PCOLCE: variants seen among roughly 807,000 people sequenced by gnomAD.
PCOLCE encodes procollagen C-endopeptidase enhancer.
In PCOLCE, 33 loss-of-function variants were observed where a neutral mutation model predicts 47.2. That is an observed-to-expected ratio of 0.70 (90% CI 0.53 to 0.93). The LOEUF is 0.93. Ranked by LOEUF, PCOLCE falls within the 40% of genes least tolerant of loss-of-function variation. The pLI is 0.00. For synonymous variants in PCOLCE, 254 were observed against 252.5 expected, an observed-to-expected ratio of 1.01 and a Z score of -0.06; for missense variants, 584 against 585.3, an observed-to-expected ratio of 1.00 and a Z score of 0.02.
intron 2 of PCOLCE, 85 bp downstream of exon 2, chr7:100,603,623 C>T (rs1462305945): frequency 3.2e-6 from 2 of 630,348 alleles, no homozygotes; most frequent in Non-Finnish European, 5.6e-6. Flanking sequence ...CCCCCGTCCC[C>T]CCCGCACCAC....
chr7:100,603,991 C>T lies in PCOLCE; in HGVS notation c.237C>T (p.Phe79=), dbSNP rs778184175. The change falls in exon 3 of 9, where the codon TTC becomes TTT. Residue 79 remains phenylalanine, a synonymous_variant. Coordinates refer to ENST00000223061, the MANE Select transcript of PCOLCE (RefSeq NM_002593.4). The stretch of plus-strand genomic sequence containing the variant: ...AGGGCCAGACTGTGTCCCTCTCATT[C>T]CGAGTCTTCGACCTGGAGCTGCACC... ...VPEGQTVSLS[F]RVFDLELHPA... is the part of the protein sequence containing the mutation. 5.0e-6 allele frequency: 8 copies of T among 1,603,346 alleles called. No individual in the cohort carries two copies. The East Asian group carries it at 1.8e-4, about 36-fold the overall frequency.
At position 100,605,877 on chromosome 7, in the gene PCOLCE, G is replaced by A. The variant is rs1802707376; in HGVS notation, c.725+65G>A. The A allele has an allele frequency of 1.3e-6, 2 of 1,508,530 alleles. No individual in the cohort carries two copies. The highest frequency in any genetic ancestry group is 2.5e-5 in the South Asian group (2 of 80,990). 93.4% of individuals were successfully genotyped at this position (1,508,530 alleles called of 1,614,324 possible). On this transcript the variant is annotated intron_variant, in intron 5 of 8. Transcript: ENST00000223061. The surrounding 1 kb of genome is among the most constrained non-coding windows in gnomAD (Gnocchi z 6.1). ...CGGACCGCACGCACGCGGCTGTTTG[G>A]AGGGGCGGGGTTCAGCTAAAGGGAC...
In PCOLCE at chr7:100,603,509, C is replaced by T; in HGVS notation, c.175C>T (p.Pro59Ser). ...ASEGFPNLYP[P>S]NKECIWTITV... ...TGAGGGGTTCCCCAACCTCTACCCC[C>T]CTAATAAGGAGTGCATCTGGACCAT... Residue 59 changes from proline to serine, a missense_variant, in exon 2 of 9, where the codon CCT becomes TCT. Coordinates refer to ENST00000223061, the MANE Select transcript of PCOLCE (RefSeq NM_002593.4). 5.6e-6 allele frequency: 9 copies of T among 1,599,938 alleles called. No individual in the cohort carries two copies. Among genetic ancestry groups the T allele is most frequent in the Non-Finnish European group, 7.7e-6 (9 of 1,170,516 alleles).
Position 100,604,371 on chromosome 7 carries a change from A to G in PCOLCE, c.463+154A>G, listed in dbSNP as rs1448368185. 1.6e-6 allele frequency: 1 copy of G among 629,674 alleles called. No homozygotes were observed. The highest frequency in any genetic ancestry group is 2.7e-6 in the Non-Finnish European group (1 of 364,086). The allele number at this position is 629,674 out of a possible 1,614,324, so 39.0% of individuals were successfully genotyped here. On this transcript the variant is annotated intron_variant, in intron 3 of 8. Transcript: ENST00000223061. The surrounding 1 kb of genome is among the most constrained non-coding windows in gnomAD (Gnocchi z 6.4). ...CATTTTCCTCACTAACCGCCCCTTC[A>G]GTCCCTCCTCCCCGTCTTCTCTCCC...
In PCOLCE at chr7:100,605,208, C is replaced by G. The variant is rs1399204443; in HGVS notation, c.581C>G (p.Pro194Arg). 6.2e-7 allele frequency: 1 copy of G among 1,612,092 alleles called. No individual in the cohort carries two copies. The stretch of plus-strand genomic sequence containing the variant: ...TGTTCCTGGCACATCATCGCGCCCC[C>G]GGACCAGGTACCGACCCTCCTCCCC... ...ISCSWHIIAP[P>R]DQVIALTFEK... The change falls in exon 4 of 9, where the codon CCG (proline) becomes CGG (arginine). Residue 194 changes from proline to arginine, a missense_variant. Physicochemically the swap from Pro to Arg is moderately radical, Grantham distance 103. Transcript: ENST00000223061. This position sits in a 1 kb window ranked among gnomAD's most constrained non-coding sequence, Gnocchi z 6.1.
At position 100,604,275 on chromosome 7, in the gene PCOLCE, C is replaced by A; in HGVS notation, c.463+58C>A. On this transcript the variant is annotated intron_variant, in intron 3 of 8. Transcript: ENST00000223061. The surrounding 1 kb of genome is among the most constrained non-coding windows in gnomAD (Gnocchi z 6.4). ...TCCAGGCCCCGCCCCGGCCGCAGCC[C>A]CGCCCCCAGCCCTAACCTCCGCCCC... is the stretch of plus-strand genomic sequence containing the variant. 1.4e-6 allele frequency: 2 copies of A among 1,456,820 alleles called. No individual in the cohort carries two copies. Among genetic ancestry groups the A allele is most frequent in the Non-Finnish European group, 1.8e-6 (2 of 1,083,412 alleles). 90.2% of individuals were successfully genotyped at this position (1,456,820 alleles called of 1,614,324 possible). A position where few individuals can be genotyped will look rare whatever the true frequency, so the allele number is the denominator to read the frequency against.
chr7:100,607,171 A>G (rs1343458533), intron 6 of PCOLCE, among the ~76,000 whole-genome samples: 3 of 151,776 alleles, frequency 2.0e-5, no homozygotes, highest in East Asian at 3.9e-4. Context: ...TGAGCTGGGA[A>G]GGTCGAGGCT....
In PCOLCE at chr7:100,604,212, G is replaced by A; in HGVS notation, c.458G>A (p.Gly153Asp). 3 of 1,610,472 alleles carry A rather than the reference G, an allele frequency of 1.9e-6. No homozygotes were observed. The highest frequency in any genetic ancestry group is 1.1e-5 in the South Asian group (1 of 91,018). The change falls in exon 3 of 9, where the codon GGC (glycine) becomes GAC (aspartate). Residue 153 changes from glycine to aspartate, a missense_variant. Physicochemically the swap from Gly to Asp is moderately conservative, Grantham distance 94. Coordinates refer to ENST00000223061, the MANE Select transcript of PCOLCE (RefSeq NM_002593.4). This position sits in a 1 kb window ranked among gnomAD's most constrained non-coding sequence, Gnocchi z 6.4. ...LLWYSGRATSGTEHQFCGGRL... is the reference protein window; with the variant it reads ...LLWYSGRATSDTEHQFCGGRL... ...TGGTACAGCGGGCGGGCCACCTCGG[G>A]CACTGGTGAGAACTCCCTCACCTCC...
chr7:100,607,614 C>A, intron 7 of PCOLCE, 23 bp from the exon 8 acceptor site: 1 of 1,612,582 alleles, frequency 6.2e-7, no homozygotes, highest in Non-Finnish European at 8.5e-7. Context: ...ATCTCCTCAT[C>A]TCTCACTCCC....
In PCOLCE at chr7:100,607,742, C is replaced by T; in HGVS notation, c.1118C>T (p.Ser373Phe). The T allele has an allele frequency of 6.2e-7, 1 of 1,613,732 alleles. No homozygotes were observed. Among genetic ancestry groups the T allele is most frequent in the Non-Finnish European group, 8.5e-7 (1 of 1,179,888 alleles). The part of the protein sequence containing the change: ...AYKTGGLDLP[S>F]PPTGASLKFY... ...AAAACTGGAGGACTGGACCTGCCTT[C>T]TCCACCCACTGGTGCCTCCCTGAAG... is the stretch of plus-strand genomic sequence containing the variant. Residue 373 changes from serine (S) to phenylalanine (F), a missense_variant, in exon 8 of 9, where the codon TCT becomes TTT. By Grantham distance (155) the Ser-to-Phe change is radical. Transcript: ENST00000223061.
At chr7:100,603,219 A>G (rs1802644430) in intron 1 of PCOLCE, 2 of 446,120 alleles carry the variant, frequency 4.5e-6, no homozygotes, top group Non-Finnish European at 7.9e-6. Context: ...TCGAGTTGCC[A>G]GGCCCACTTT....
chr7:100,604,643 A>G lies in PCOLCE; in HGVS notation c.463+426A>G. 7.0e-6 allele frequency: 2 copies of G among 286,204 alleles called. No individual in the cohort carries two copies. Among genetic ancestry groups the G allele is most frequent in the South Asian group, 3.5e-5 (1 of 28,338 alleles). 17.7% of individuals were successfully genotyped at this position (286,204 alleles called of 1,614,324 possible). A position where few individuals can be genotyped will look rare whatever the true frequency, so the allele number is the denominator to read the frequency against. On this transcript the variant is annotated intron_variant, in intron 3 of 8. Coordinates refer to ENST00000223061, the MANE Select transcript of PCOLCE (RefSeq NM_002593.4). The surrounding 1 kb of genome is among the most constrained non-coding windows in gnomAD (Gnocchi z 6.4). ...CTGGGCTCCCGATTGCGGTCCCATC[A>G]CCCCCTCCTGGCGGCAGAAGTCTCC...
Position 100,606,425 on chromosome 7 carries a change from C to T in PCOLCE, c.735C>T (p.Ser245=). ...CGGTGGCCACCTGCAGCTCCATCTC[C>T]TCCGAAGGGAATGAACTCCTCGTCC... is the stretch of plus-strand genomic sequence containing the variant. ...FCGDAVPGSI[S]SEGNELLVQF... The change falls in exon 6 of 9, where the codon TCC becomes TCT. Residue 245 remains serine, a synonymous_variant. Coordinates refer to ENST00000223061, the MANE Select transcript of PCOLCE (RefSeq NM_002593.4). The T allele has an allele frequency of 1.2e-6, 2 of 1,613,710 alleles. No homozygotes were observed. The highest frequency in any genetic ancestry group is 1.7e-6 in the Non-Finnish European group (2 of 1,179,656).
In PCOLCE at chr7:100,604,213, C is replaced by A; in HGVS notation, c.459C>A (p.Gly153=). ...GGTACAGCGGGCGGGCCACCTCGGG[C>A]ACTGGTGAGAACTCCCTCACCTCCG... ...LLWYSGRATS[G]TEHQFCGGRL... is the part of the protein sequence containing the mutation. Residue 153 remains glycine (G), a synonymous_variant, in exon 3 of 9, where the codon GGC becomes GGA. Transcript: ENST00000223061. The surrounding 1 kb of genome is among the most constrained non-coding windows in gnomAD (Gnocchi z 6.4). The A allele has an allele frequency of 6.2e-7, 1 of 1,610,504 alleles. No homozygotes were observed. Among genetic ancestry groups the A allele is most frequent in the South Asian group, 1.1e-5 (1 of 91,028 alleles).
At position 100,607,591 on chromosome 7, in the gene PCOLCE, T is replaced by A. The variant is rs373909558; in HGVS notation, c.1013-46T>A. ...CCTGCTTCTGTTTCCAGTCCTGCCA[T>A]CTGGAACCTCCCATCTCCTCATCTC... On this transcript the variant is annotated intron_variant, in intron 7 of 8. Coordinates refer to ENST00000223061, the MANE Select transcript of PCOLCE (RefSeq NM_002593.4). The A allele has an allele frequency of 2.2e-3, 3,579 of 1,606,448 alleles. 85 individuals carry two copies. The South Asian group carries it at 0.037, about 16-fold the overall frequency.
rs1214320165 is a variant in PCOLCE, at chr7:100,606,560, T to A, written c.870T>A (p.Thr290=). The A allele has an allele frequency of 5.6e-6, 9 of 1,614,120 alleles. No homozygotes were observed. In the South Asian group the frequency reaches 9.9e-5, roughly 18 times the overall value. ...EGQGPGPKRG[T]EPKVKLPPKS... The stretch of plus-strand genomic sequence containing the variant: ...AAGGGCCCGGCCCCAAACGGGGAAC[T>A]GAGCCTAAAGTCAAGCTGCCCCCCA... Residue 290 remains threonine (T), a synonymous_variant, in exon 6 of 9, where the codon ACT becomes ACA. Coordinates refer to ENST00000223061, the MANE Select transcript of PCOLCE (RefSeq NM_002593.4).
In PCOLCE at chr7:100,607,663, G is replaced by T. The variant is rs776352234; in HGVS notation, c.1039G>T (p.Val347Phe). 1.2e-6 allele frequency: 2 copies of T among 1,613,982 alleles called. No individual in the cohort carries two copies. Among genetic ancestry groups the T allele is most frequent in the Non-Finnish European group, 1.7e-6 (2 of 1,180,032 alleles). Residue 347 changes from valine (V) to phenylalanine (F), a missense_variant, in exon 8 of 9, where the codon GTT (valine) becomes TTT (phenylalanine). Physicochemically the swap from Val to Phe is conservative, Grantham distance 50. Transcript: ENST00000223061. ...LVVTATVKSM[V>F]REPGEGLAVT... The stretch of plus-strand genomic sequence containing the variant: ...GGTGACTGCGACAGTGAAGTCCATG[G>T]TTCGGGAGCCAGGGGAGGGCCTTGC...
chr7:100,602,613 G>T, intron 1 of PCOLCE, 62 bp downstream of exon 1: 1 of 1,077,316 alleles, frequency 9.3e-7, no homozygotes, highest in Non-Finnish European at 1.4e-6. Context: ...TTCCTTTGGG[G>T]TTATGCCTGG....
Position 100,605,492 on chromosome 7 carries a change from G to A in PCOLCE, c.589-184G>A. The A allele has an allele frequency of 1.3e-6, 1 of 752,092 alleles. No homozygotes were observed. Among genetic ancestry groups the A allele is most frequent in the Non-Finnish European group, 2.1e-6 (1 of 473,454 alleles). The allele number at this position is 752,092 out of a possible 1,614,324, so 46.6% of individuals were successfully genotyped here. A position where few individuals can be genotyped will look rare whatever the true frequency, so the allele number is the denominator to read the frequency against. ...CTTGACCTTGCCAACCACGACGACCGACACCCCTGCAGGGTCCCATGGGTG... is the reference window on the plus strand; with the variant it reads ...CTTGACCTTGCCAACCACGACGACCAACACCCCTGCAGGGTCCCATGGGTG... On this transcript the variant is annotated intron_variant, in intron 4 of 8. Coordinates refer to ENST00000223061, the MANE Select transcript of PCOLCE (RefSeq NM_002593.4). The surrounding 1 kb of genome is among the most constrained non-coding windows in gnomAD (Gnocchi z 6.1).
Sources: allele counts gnomAD v4.1 joint callset (sites outside exome capture counted in the v4.1 genomes callset), GRCh38; gene constraint gnomAD v4.1.1; non-coding constraint Gnocchi (gnomAD v3.1); transcripts MANE v1.5; gene names NCBI Gene and HGNC (gene_info 2026-07-23, HGNC 2026-07-21).